TNKS: variants seen among roughly 807,000 people sequenced by gnomAD.
The protein encoded by TNKS is tankyrase, also known as poly [ADP-ribose] polymerase tankyrase-1.
A neutral mutation model predicts 135.8 loss-of-function variants in TNKS; 72 were observed. The ratio of observed to expected loss-of-function variants is 0.53; its 90% CI spans 0.44 to 0.64. The LOEUF (loss-of-function observed/expected upper bound fraction) is 0.64. Ranked by LOEUF, TNKS falls within the 30% of genes least tolerant of loss-of-function variation. The pLI is 0.00. For missense variants in TNKS, 1,769 were observed against 1,674.0 expected (o/e 1.06, Z -0.99); for synonymous variants, 849 against 649.3 (o/e 1.31, Z -4.68).
chr8:9,712,543 G>T (rs942443424), intron 11 of TNKS, among the ~76,000 whole-genome samples: 3 of 152,038 alleles, frequency 2.0e-5, no homozygotes, highest in Non-Finnish European at 2.9e-5. Flanking sequence ...ATTTTTATAA[G>T]TTTTTTTAAA....
chr8:9,710,338 T>G (rs1379730540), intron 11 of TNKS, 118 bp downstream of exon 11: 1 of 887,330 alleles, frequency 1.1e-6, no homozygotes, highest in African/African-American at 1.7e-5. Flanking sequence ...GACTATTAGT[T>G]CGTACTTAAA....
chr8:9,653,466 T>C lies in TNKS; in HGVS notation c.995-26485T>C, dbSNP rs189130027. On this transcript the variant is annotated intron_variant, in intron 3 of 26. Coordinates refer to ENST00000310430, the MANE Select transcript of TNKS (RefSeq NM_003747.3). ...GGAGGTCCAAGATTGGGCAGCTGCA[T>C]TTGATCAGCTTCTGGTGAGGGCCTC... 5.4e-3 allele frequency among the ~76,000 whole-genome samples: 816 copies of C among 152,038 alleles called. 25 individuals are homozygous for C. Among genetic ancestry groups the C allele is most frequent in the Admixed American group, 0.047 (715 of 15,274 alleles).
intron 3 of TNKS, among the ~76,000 whole-genome samples, chr8:9,661,007 C>T (rs1319993525): frequency 6.7e-6 from 1 of 149,984 alleles, no homozygotes; most frequent in Non-Finnish European, 1.5e-5. Context: ...AATAAAATAC[C>T]TAGGAATCCA....
At chr8:9,619,154 C>G (rs944620118) in intron 3 of TNKS, among the ~76,000 whole-genome samples, 3 of 152,152 alleles carry the variant, frequency 2.0e-5, no homozygotes, top group Non-Finnish European at 4.4e-5. Context: ...ATGGTAGATA[C>G]CTCTGTTCTT....
intron 3 of TNKS, among the ~76,000 whole-genome samples, chr8:9,639,254 A>G (rs1188419960): frequency 6.6e-6 from 1 of 152,146 alleles, no homozygotes; most frequent in Non-Finnish European, 1.5e-5. Context: ...AAGTAGACCT[A>G]TCTTTAATTG....
At chr8:9,770,000 T>G in intron 25 of TNKS, 106 bp from the exon 26 acceptor site, 3 of 972,008 alleles carry the variant, frequency 3.1e-6, no homozygotes, top group Non-Finnish European at 4.4e-6. Flanking sequence ...GACATTTAAA[T>G]TAGCTTGCCT....
intron 20 of TNKS, among the ~76,000 whole-genome samples, chr8:9,757,066 T>G (rs1348124617): frequency 6.6e-6 from 1 of 152,150 alleles, no homozygotes; most frequent in African/African-American, 2.4e-5. Flanking sequence ...AACCTCCGCC[T>G]CCCAGGTTCA....
chr8:9,567,970 C>T (rs759421991), intron 1 of TNKS, among the ~76,000 whole-genome samples: 7 of 152,114 alleles, frequency 4.6e-5, no homozygotes, highest in Non-Finnish European at 8.8e-5. Context: ...TCATAGTGGA[C>T]ATTTTAGCCT....
intron 22 of TNKS, among the ~76,000 whole-genome samples, chr8:9,764,349 T>C (rs968691828): frequency 1.3e-5 from 2 of 152,012 alleles, no homozygotes; most frequent in African/African-American, 2.4e-5. Flanking sequence ...TTTTTAAAAA[T>C]TGTTTATTTT....
intron 5 of TNKS, among the ~76,000 whole-genome samples, chr8:9,683,327 C>T (rs186215610): frequency 1.3e-5 from 2 of 151,858 alleles, no homozygotes; most frequent in East Asian, 3.8e-4. Flanking sequence ...GATATGTAGT[C>T]CTTTTTTAGA....
In TNKS at chr8:9,733,451, A is replaced by G. The variant is rs1192472571; in HGVS notation, c.2313+7A>G. The stretch of plus-strand genomic sequence containing the variant: ...CTGCAAGCTCCTTTTAAAAGTATGT[A>G]GTTTAAAAAGTTATGAAATATAACT... On this transcript the variant is annotated splice_region_variant and intron_variant, in intron 15 of 26. Transcript: ENST00000310430. The G allele has an allele frequency of 1.2e-6, 2 of 1,605,750 alleles. No homozygotes were observed. Among genetic ancestry groups the G allele is most frequent in the Admixed American group, 1.7e-5 (1 of 59,086 alleles).
intron 3 of TNKS, among the ~76,000 whole-genome samples, chr8:9,665,334 GC>G (rs1356104223): frequency 6.6e-6 from 1 of 152,216 alleles, no homozygotes; most frequent in Non-Finnish European, 1.5e-5. Context: ...GCAGGACATT[GC>G]CTTTATCCTG....
chr8:9,723,688 A>T (rs1408922322), intron 12 of TNKS, among the ~76,000 whole-genome samples: 1 of 152,228 alleles, frequency 6.6e-6, no homozygotes, highest in Non-Finnish European at 1.5e-5. Flanking sequence ...AATTAAAATT[A>T]AATAAAATGG....
At chr8:9,605,337 T>C (rs1355260942) in intron 2 of TNKS, among the ~76,000 whole-genome samples, 1 of 152,104 alleles carries the variant, frequency 6.6e-6, no homozygotes, top group Non-Finnish European at 1.5e-5. Flanking sequence ...AACGAAAGTT[T>C]GTTTCTTTTT....
At chr8:9,700,372 T>C (rs1803737111) in intron 5 of TNKS, among the ~76,000 whole-genome samples, 1 of 152,180 alleles carries the variant, frequency 6.6e-6, no homozygotes, top group African/African-American at 2.4e-5. Flanking sequence ...CTTGTTTTCA[T>C]TGCTATCCCT....
chr8:9,743,278 C>G (rs1806065102), intron 17 of TNKS, among the ~76,000 whole-genome samples: 1 of 152,128 alleles, frequency 6.6e-6, no homozygotes, highest in Non-Finnish European at 1.5e-5. Context: ...ATCTCTTTCC[C>G]ATTTTCAGCT....
intron 2 of TNKS, among the ~76,000 whole-genome samples, chr8:9,591,860 C>G (rs1322524782): frequency 6.6e-6 from 1 of 152,112 alleles, no homozygotes; most frequent in East Asian, 1.9e-4. Flanking sequence ...AGGTTAAAAG[C>G]AGTATATAGA....
In TNKS at chr8:9,781,051, G is replaced by T. The variant is rs998878868; in HGVS notation, c.*4315G>T. 1 of 152,158 alleles carries T rather than the reference G, an allele frequency of 6.6e-6. No homozygotes were observed. The highest frequency in any genetic ancestry group is 1.5e-5 in the Non-Finnish European group (1 of 68,034). 9.4% of individuals were successfully genotyped at this position (152,158 alleles called of 1,614,324 possible). A position where few individuals can be genotyped will look rare whatever the true frequency, so the allele number is the denominator to read the frequency against. ...GGTTATGCTAAAGTGAAAACCTAGA[G>T]GAAGCTAATGATTTTATATACTTTG... On this transcript the variant is annotated 3_prime_UTR_variant, in exon 27 of 27. Transcript: ENST00000310430.
intron 2 of TNKS, among the ~76,000 whole-genome samples, chr8:9,584,955 C>A (rs1253954124): frequency 6.6e-6 from 1 of 152,012 alleles, no homozygotes; most frequent in East Asian, 1.9e-4. Flanking sequence ...AGACATGAAG[C>A]CCAGCAAACC....
Sources: gnomAD v4.1 joint callset for allele counts (sites outside exome capture counted in the v4.1 genomes callset) on GRCh38, gnomAD v4.1.1 for gene constraint, MANE v1.5 for transcripts, NCBI Gene and HGNC (gene_info 2026-07-23, HGNC 2026-07-21) for gene names.